SGCZ: variants seen among roughly 807,000 people sequenced by gnomAD.
The protein encoded by SGCZ is sarcoglycan zeta.
Under a neutral mutation model 41.3 loss-of-function variants are expected in SGCZ, and 40 were observed. That is an observed-to-expected ratio of 0.97 (90% CI 0.75 to 1.26). SGCZ has a LOEUF of 1.26. Among genes scored for constraint, SGCZ ranks in the 50% most tolerant of loss-of-function variants. The pLI, the probability that SGCZ is intolerant of heterozygous loss-of-function variation, is 0.00. For synonymous variants in SGCZ, 206 were observed against 137.5 expected, an observed-to-expected ratio of 1.50 and a Z score of -3.49; for missense variants, 552 against 369.8, an observed-to-expected ratio of 1.49 and a Z score of -4.04.
intron 3 of SGCZ, among the ~76,000 whole-genome samples, chr8:14,260,616 T>C (rs868769280): frequency 6.7e-6 from 1 of 149,464 alleles, no homozygotes; most frequent in Non-Finnish European, 1.5e-5. Context: ...CAAAGGACTA[T>C]AAATCGTGCT....
chr8:14,236,136 A>G (rs1165291304), intron 4 of SGCZ, among the ~76,000 whole-genome samples: 1 of 152,212 alleles, frequency 6.6e-6, no homozygotes, highest in Non-Finnish European at 1.5e-5. Context: ...ATAGGCCTAT[A>G]GTTTCTGCAG....
At chr8:14,461,560 T>C (rs1800902389) in intron 2 of SGCZ, among the ~76,000 whole-genome samples, 2 of 152,108 alleles carry the variant, frequency 1.3e-5, no homozygotes, top group Non-Finnish European at 2.9e-5. Flanking sequence ...TAGCTTGACA[T>C]GCACTGACCT....
intron 1 of SGCZ, among the ~76,000 whole-genome samples, chr8:14,750,163 C>T (rs1799454333): frequency 6.6e-6 from 1 of 152,026 alleles, no homozygotes; most frequent in Admixed American, 6.6e-5. Flanking sequence ...TAAAGGAGAA[C>T]ATATCCCATC....
chr8:15,223,595 G>T (rs1376698797), intron 1 of SGCZ, among the ~76,000 whole-genome samples: 2 of 152,028 alleles, frequency 1.3e-5, no homozygotes, highest in Non-Finnish European at 2.9e-5. Flanking sequence ...TTAAAATTCT[G>T]GTCAGACACC....
intron 1 of SGCZ, among the ~76,000 whole-genome samples, chr8:15,229,963 G>A (rs1801891600): frequency 6.6e-6 from 1 of 152,186 alleles, no homozygotes; most frequent in East Asian, 1.9e-4. Flanking sequence ...AGTAATTAAA[G>A]CATTGCATGC....
intron 2 of SGCZ, among the ~76,000 whole-genome samples, chr8:14,499,610 A>T (rs1271303690): frequency 6.6e-6 from 1 of 151,936 alleles, no homozygotes; most frequent in East Asian, 1.9e-4. Flanking sequence ...TCCTCCTTTC[A>T]CTGACTTTCA....
In SGCZ at chr8:14,479,727, ACTTCTTTTTT is replaced by A. The variant is rs1273636036; in HGVS notation, c.234+74995_234+75004del. On this transcript the variant is annotated intron_variant, in intron 2 of 7. Transcript: ENST00000382080. ...CCAGGTCGCATACCTCCAGAATTCT[ACTTCTTTTTT>A]TTTTTTTTTTTTTTTTTTTTTTTTA... 2.2e-4 allele frequency among the ~76,000 whole-genome samples: 24 copies of A among 109,380 alleles called. 1 individual carries two copies. Among genetic ancestry groups the A allele is most frequent in the African/African-American group, 4.5e-4 (12 of 26,548 alleles). The allele number at this position is 109,380 out of a possible 152,430, so 71.8% of individuals were successfully genotyped here. A position where few individuals can be genotyped will look rare whatever the true frequency, so the allele number is the denominator to read the frequency against.
chr8:14,389,537 T>C (rs1804688323), intron 2 of SGCZ, among the ~76,000 whole-genome samples: 1 of 150,740 alleles, frequency 6.6e-6, no homozygotes, highest in Non-Finnish European at 1.5e-5. Context: ...ACTTTTGTAA[T>C]GCCTAAAACA....
intron 2 of SGCZ, among the ~76,000 whole-genome samples, chr8:14,348,797 A>G (rs1333914584): frequency 1.3e-5 from 2 of 152,164 alleles, no homozygotes; most frequent in Non-Finnish European, 2.9e-5. Context: ...ACAAAAGGTT[A>G]AAGTACTGCT....
chr8:14,398,764 A>T (rs1798989988), intron 2 of SGCZ, among the ~76,000 whole-genome samples: 1 of 152,136 alleles, frequency 6.6e-6, no homozygotes, highest in Non-Finnish European at 1.5e-5. Context: ...CTGAGTTATA[A>T]TGTCCAGCAT....
intron 2 of SGCZ, among the ~76,000 whole-genome samples, chr8:14,418,670 T>C (rs1301038492): frequency 1.3e-5 from 2 of 151,980 alleles, no homozygotes; most frequent in Non-Finnish European, 2.9e-5. Context: ...AATATTTAGA[T>C]ACTTTTATAG....
At chr8:14,779,419 G>T (rs1329325854) in intron 1 of SGCZ, among the ~76,000 whole-genome samples, 1 of 152,032 alleles carries the variant, frequency 6.6e-6, no homozygotes, top group African/African-American at 2.4e-5. Flanking sequence ...ATCCACCAAG[G>T]CCGGTCAAGC....
At chr8:15,202,840 G>T (rs1325980964) in intron 1 of SGCZ, among the ~76,000 whole-genome samples, 1 of 152,116 alleles carries the variant, frequency 6.6e-6, no homozygotes, top group African/African-American at 2.4e-5. Flanking sequence ...GCCGGGCCTG[G>T]TGGCTCACAC....
chr8:15,050,657 G>A (rs1165935594), intron 1 of SGCZ, among the ~76,000 whole-genome samples: 1 of 152,134 alleles, frequency 6.6e-6, no homozygotes, highest in Admixed American at 6.6e-5. Context: ...TTTCATCAGA[G>A]AACTTCAGTG....
At chr8:14,937,750 A>C (rs1257462065) in intron 1 of SGCZ, among the ~76,000 whole-genome samples, 1 of 152,076 alleles carries the variant, frequency 6.6e-6, no homozygotes, top group African/African-American at 2.4e-5. Flanking sequence ...TGTCAAATAC[A>C]TATTTTTTTC....
intron 1 of SGCZ, among the ~76,000 whole-genome samples, chr8:14,745,679 A>G (rs1046125851): frequency 6.6e-6 from 1 of 152,054 alleles, no homozygotes; most frequent in Non-Finnish European, 1.5e-5. Context: ...ATACGTATCT[A>G]TATACATACA....
chr8:14,622,507 C>G (rs527636485), intron 1 of SGCZ, among the ~76,000 whole-genome samples: 4 of 152,188 alleles, frequency 2.6e-5, no homozygotes, highest in African/African-American at 4.8e-5. Context: ...ATTTAAATAA[C>G]AAAAAACAAG....
chr8:14,558,456 T>G (rs753021867), intron 1 of SGCZ, among the ~76,000 whole-genome samples: 7 of 152,076 alleles, frequency 4.6e-5, no homozygotes, highest in Non-Finnish European at 7.4e-5. Flanking sequence ...GTGCCTATAA[T>G]CTTAGCTACT....
intron 3 of SGCZ, among the ~76,000 whole-genome samples, chr8:14,294,004 A>T (rs528291859): frequency 6.6e-6 from 1 of 151,948 alleles, no homozygotes; most frequent in East Asian, 1.9e-4. Context: ...TTTCTATTAT[A>T]TATTTAGAAC....
Sources: gnomAD v4.1 joint callset for allele counts (sites outside exome capture counted in the v4.1 genomes callset) on GRCh38, gnomAD v4.1.1 for gene constraint, MANE v1.5 for transcripts, NCBI Gene and HGNC (gene_info 2026-07-23, HGNC 2026-07-21) for gene names.